BRD2: variants seen among roughly 807,000 people sequenced by gnomAD.
BRD2 encodes bromodomain-containing protein 2.
Under a neutral mutation model 79.1 loss-of-function variants are expected in BRD2, and 15 were observed. That is an observed-to-expected ratio of 0.19 (90% CI 0.13 to 0.29). BRD2 has a LOEUF of 0.29. BRD2 is among the 10% of genes least tolerant of loss of function. BRD2 has a pLI of 1.00. For synonymous variants in BRD2, 488 were observed against 358.6 expected (o/e 1.36, Z -4.08); for missense variants, 1,053 against 991.3 (o/e 1.06, Z -0.84).
chr6:32,971,062 C>CT (rs1174456151), intron 1 of BRD2: 1 of 151,204 alleles, frequency 6.6e-6, no homozygotes, highest in African/African-American at 2.4e-5. Flanking sequence ...ACGGGTGTGC[C>CT]TTTGGGGGTG....
chr6:32,976,987 G>A (rs1279310341), intron 7 of BRD2, 51 bp downstream of exon 7: 2 of 1,549,294 alleles, frequency 1.3e-6, no homozygotes, highest in Admixed American at 3.9e-5. Flanking sequence ...TGGGAGCCTA[G>A]GTGCAAAACA....
chr6:32,972,752 C>T lies in BRD2; in HGVS notation c.-147C>T, dbSNP rs1054623729. ...GGCCCCAAAGAGACTGCTTTCGTGC[C>T]GGCCAGGCAGGGGGTTTGTCGCCTG... On this transcript the variant is annotated 5_prime_UTR_variant, in exon 2 of 13. Transcript: ENST00000374825. 10 of 1,246,652 alleles carry T rather than the reference C, an allele frequency of 8.0e-6. No individual in the cohort carries two copies. Among genetic ancestry groups the T allele is most frequent in the African/African-American group, 7.4e-5 (5 of 67,996 alleles). 77.2% of individuals were successfully genotyped at this position (1,246,652 alleles called of 1,614,324 possible).
Position 32,981,477 on chromosome 6 carries a change from A to T in BRD2, c.*759A>T, listed in dbSNP as rs1434919273. 6.6e-6 allele frequency: 1 copy of T among 152,210 alleles called. No individual in the cohort carries two copies. The highest frequency in any genetic ancestry group is 6.5e-5 in the Admixed American group (1 of 15,278). 9.4% of individuals were successfully genotyped at this position (152,210 alleles called of 1,614,324 possible). On this transcript the variant is annotated 3_prime_UTR_variant, in exon 13 of 13. Coordinates refer to ENST00000374825, the MANE Select transcript of BRD2 (RefSeq NM_005104.4). Reference sequence around the variant, plus strand: ...CCAGTAGGCTTTTGCTGTGTTTTTAATAAAGTAAATATGACTTTTGTAAAT... The same window carrying T: ...CCAGTAGGCTTTTGCTGTGTTTTTATTAAAGTAAATATGACTTTTGTAAAT...
Position 32,972,146 on chromosome 6 carries a change from G to A in BRD2, c.-753G>A. ...AAGCAGGGTGGCGCGCATGAGCGGC[G>A]AAGCTCCTCCTCCCCGCCTATATAT... On this transcript the variant is annotated 5_prime_UTR_variant, in exon 2 of 13. Transcript: ENST00000374825. 4.6e-6 allele frequency: 3 copies of A among 648,934 alleles called. No homozygotes were observed. The highest frequency in any genetic ancestry group is 2.2e-5 in the Admixed American group (1 of 44,504). The allele number at this position is 648,934 out of a possible 1,614,324, so 40.2% of individuals were successfully genotyped here.
chr6:32,976,367 C>A lies in BRD2; in HGVS notation c.728C>A (p.Pro243Gln). The change falls in exon 6 of 13, where the codon CCA becomes CAA. Residue 243 changes from proline (P) to glutamine (Q), a missense_variant. Transcript: ENST00000374825. ...ACCACTGTCCTCAACATTCCCCACC[C>A]ATCAGTCATTTCCTCTCCACTTCTC... is the stretch of plus-strand genomic sequence containing the variant. ...IPTTVLNIPH[P>Q]SVISSPLLKS... The A allele has an allele frequency of 6.2e-7, 1 of 1,613,098 alleles. No homozygotes were observed. The highest frequency in any genetic ancestry group is 8.5e-7 in the Non-Finnish European group (1 of 1,180,048).
chr6:32,977,177 C>A, intron 7 of BRD2: 1 of 1,384,012 alleles, frequency 7.2e-7, no homozygotes, highest in Non-Finnish European at 9.9e-7. Flanking sequence ...ACTAATGTGG[C>A]AGTGTTGGGT....
At position 32,972,189 on chromosome 6, in the gene BRD2, C is replaced by G. The variant is rs1366186739; in HGVS notation, c.-710C>G. 1.1e-5 allele frequency: 6 copies of G among 559,330 alleles called. No homozygotes were observed. Among genetic ancestry groups the G allele is most frequent in the African/African-American group, 1.9e-5 (1 of 52,970 alleles). 34.6% of individuals were successfully genotyped at this position (559,330 alleles called of 1,614,324 possible). ...CTATATATAAAGGGCTGGCGCGGGG[C>G]TCGGCGGCGCCATTTCGTGCTGGAG... On this transcript the variant is annotated 5_prime_UTR_variant, in exon 2 of 13. Transcript: ENST00000374825.
In BRD2 at chr6:32,980,801, C is replaced by T. The variant is rs1295718850; in HGVS notation, c.*83C>T. 3 of 1,520,028 alleles carry T rather than the reference C, an allele frequency of 2.0e-6. No homozygotes were observed. Among genetic ancestry groups the T allele is most frequent in the Non-Finnish European group, 2.7e-6 (3 of 1,108,178 alleles). The allele number at this position is 1,520,028 out of a possible 1,614,324, so 94.2% of individuals were successfully genotyped here. ...GCCCCACCTGCCCCTTCCCCCTTTG[C>T]TGTGACACTTCTTCATCTCACCCCC... On this transcript the variant is annotated 3_prime_UTR_variant, in exon 13 of 13. Transcript: ENST00000374825.
chr6:32,972,176 G>A lies in BRD2; in HGVS notation c.-723G>A. The A allele has an allele frequency of 1.7e-6, 1 of 586,474 alleles. No individual in the cohort carries two copies. Among genetic ancestry groups the A allele is most frequent in the Non-Finnish European group, 3.1e-6 (1 of 324,318 alleles). 36.3% of individuals were successfully genotyped at this position (586,474 alleles called of 1,614,324 possible). The stretch of plus-strand genomic sequence containing the variant: ...TCCTCCTCCCCGCCTATATATAAAG[G>A]GCTGGCGCGGGGCTCGGCGGCGCCA... On this transcript the variant is annotated 5_prime_UTR_variant, in exon 2 of 13. Coordinates refer to ENST00000374825, the MANE Select transcript of BRD2 (RefSeq NM_005104.4).
Position 32,979,868 on chromosome 6 carries a change from C to T in BRD2, c.1882C>T (p.Pro628Ser). 1 of 1,612,994 alleles carries T rather than the reference C, an allele frequency of 6.2e-7. No homozygotes were observed. Among genetic ancestry groups the T allele is most frequent in the Non-Finnish European group, 8.5e-7 (1 of 1,179,966 alleles). The change falls in exon 11 of 13, where the codon CCT (proline) becomes TCT (serine). Residue 628 changes from proline to serine, a missense_variant. Around this residue, in one of 5 missense-constraint regions of BRD2, gnomAD observed 454 missense variants for 430.5 expected, o/e 1.05. Transcript: ENST00000374825. ...KATKTAPPAL[P>S]TGYDSEEEEE... is the part of the protein sequence containing the mutation. Reference sequence around the variant, plus strand: ...CACAAAGACAGCCCCACCTGCCCTGCCTACAGGTTATGATTCAGAGGAGGA... The same window carrying T: ...CACAAAGACAGCCCCACCTGCCCTGTCTACAGGTTATGATTCAGAGGAGGA...
At position 32,976,823 on chromosome 6, in the gene BRD2, A is replaced by C; in HGVS notation, c.1087A>C (p.Lys363Gln). 1 of 1,613,210 alleles carries C rather than the reference A, an allele frequency of 6.2e-7. No homozygotes were observed. The highest frequency in any genetic ancestry group is 1.3e-5 in the African/African-American group (1 of 75,070). The change falls in exon 7 of 13, where the codon AAG (lysine) becomes CAG (glutamine). Residue 363 changes from lysine (K) to glutamine (Q), a missense_variant. Lys to Gln is a moderately conservative substitution (Grantham distance 53). Transcript: ENST00000374825. Reference protein sequence around the residue: ...CNGILKELLSKKHAAYAWPFY... With the variant: ...CNGILKELLSQKHAAYAWPFY... ...TGGCATTTTGAAGGAGTTACTCTCT[A>C]AGAAGCATGCTGCCTATGCTTGGCC... is the stretch of plus-strand genomic sequence containing the variant.
In BRD2 at chr6:32,972,732, CAA is replaced by C; in HGVS notation, c.-165_-164del. On this transcript the variant is annotated 5_prime_UTR_variant, in exon 2 of 13. Coordinates refer to ENST00000374825, the MANE Select transcript of BRD2 (RefSeq NM_005104.4). Reference sequence around the variant, plus strand: ...CTGCCCGGAGCTCTCCGAGAGGCCCCAAAGAGACTGCTTTCGTGCCGGCCAGG... The same window carrying C: ...CTGCCCGGAGCTCTCCGAGAGGCCCCAGAGACTGCTTTCGTGCCGGCCAGG... 1.9e-6 allele frequency: 2 copies of C among 1,039,242 alleles called. No homozygotes were observed. The highest frequency in any genetic ancestry group is 2.9e-6 in the Non-Finnish European group (2 of 700,442). 64.4% of individuals were successfully genotyped at this position (1,039,242 alleles called of 1,614,324 possible).
rs115120098 is a variant in BRD2, at chr6:32,974,633, C to T, written c.201C>T (p.Ser67=). The T allele has an allele frequency of 1.3e-3, 2,059 of 1,614,210 alleles. 11 individuals are homozygous for T. In the African/African-American group the frequency reaches 0.019, roughly 15 times the overall value. The change falls in exon 3 of 13, where the codon TCC becomes TCT. Residue 67 remains serine (S), a synonymous_variant. Coordinates refer to ENST00000374825, the MANE Select transcript of BRD2 (RefSeq NM_005104.4). ...CCAACCCACCACCCCCGGAGGTGTC[C>T]AATCCCAAAAAGCCAGGACGAGTTA... is the stretch of plus-strand genomic sequence containing the variant. ...TPANPPPPEV[S]NPKKPGRVTN... is the part of the protein sequence containing the mutation.
chr6:32,972,067 C>G lies in BRD2; in HGVS notation c.-832C>G, dbSNP rs1376719065. 8.6e-6 allele frequency: 6 copies of G among 698,466 alleles called. No homozygotes were observed. The highest frequency in any genetic ancestry group is 1.5e-5 in the South Asian group (1 of 66,610). The allele number at this position is 698,466 out of a possible 1,614,324, so 43.3% of individuals were successfully genotyped here. A position where few individuals can be genotyped will look rare whatever the true frequency, so the allele number is the denominator to read the frequency against. On this transcript the variant is annotated 5_prime_UTR_variant, in exon 2 of 13. Transcript: ENST00000374825. ...AGGTGTTCCTTCCCCTTCGACTCAG[C>G]TTCTTCACCCGCGTGAGCGAGCGCG...
rs770813779 is a variant in BRD2, at chr6:32,976,044, T to C, written c.485T>C (p.Ile162Thr). 24 of 1,606,628 alleles carry C rather than the reference T, an allele frequency of 1.5e-5. No individual in the cohort carries two copies. Among genetic ancestry groups the C allele is most frequent in the Admixed American group, 1.7e-5 (1 of 58,208 alleles). Residue 162 changes from isoleucine (I) to threonine (T), a missense_variant, in exon 5 of 13, where the codon ATT becomes ACT. Physicochemically the swap from Ile to Thr is moderately conservative, Grantham distance 89. This residue lies in a region of BRD2 where 413 missense variants were observed against 335.1 expected (regional missense o/e 1.23). Transcript: ENST00000374825. Reference sequence around the variant, plus strand: ...GTGTTCTCATAGCCCACTGATGATATTGTCCTAATGGCACAAACGCTGGAA... The same window carrying C: ...GTGTTCTCATAGCCCACTGATGATACTGTCCTAATGGCACAAACGCTGGAA... ...CYIYNKPTDD[I>T]VLMAQTLEKI... is the part of the protein sequence containing the mutation.
At position 32,968,989 on chromosome 6, in the gene BRD2, C is replaced by G. The variant is rs1219451087; in HGVS notation, c.-1372C>G. 1 of 279,164 alleles carries G rather than the reference C, an allele frequency of 3.6e-6. No individual in the cohort carries two copies. The allele number at this position is 279,164 out of a possible 1,614,324, so 17.3% of individuals were successfully genotyped here. On this transcript the variant is annotated 5_prime_UTR_variant, in exon 1 of 13. Transcript: ENST00000374825. ...CGTTTTCTGGGGGGGGGTTGACACC[C>G]CGGATTACATACCCCGTACCAAGCC...
chr6:32,980,016 G>A lies in BRD2; in HGVS notation c.2030G>A (p.Arg677His), dbSNP rs1779315936. 3.1e-6 allele frequency: 5 copies of A among 1,612,990 alleles called. No individual in the cohort carries two copies. The highest frequency in any genetic ancestry group is 1.1e-5 in the South Asian group (1 of 91,090). Residue 677 changes from arginine to histidine, a missense_variant, in exon 11 of 13, where the codon CGT becomes CAT. Coordinates refer to ENST00000374825, the MANE Select transcript of BRD2 (RefSeq NM_005104.4). ...ATCCAAGCCAGGGAGCCCTCTTTAC[G>A]TGATTCAAACCCAGAAGAGATTGAG... ...HIIQAREPSL[R>H]DSNPEEIEID...
At chr6:32,975,229 C>T (rs1329107876) in intron 3 of BRD2, 155 bp from the exon 4 acceptor site, 1 of 1,221,782 alleles carries the variant, frequency 8.2e-7, no homozygotes, top group Non-Finnish European at 1.1e-6. Context: ...TTTATTTTGT[C>T]CCACAGTTTA....
chr6:32,974,717 C>A lies in BRD2; in HGVS notation c.285C>A (p.Phe95Leu). The A allele has an allele frequency of 2.5e-6, 4 of 1,614,160 alleles. No homozygotes were observed. Among genetic ancestry groups the A allele is most frequent in the South Asian group, 1.1e-5 (1 of 91,088 alleles). ...VVMKALWKHQ[F>L]AWPFRQPVDA... is the part of the protein sequence containing the mutation. ...TGAAGGCTCTGTGGAAACATCAGTT[C>A]GCATGGCCATTCCGGCAGCCTGTGG... Residue 95 changes from phenylalanine (F) to leucine (L), a missense_variant, in exon 3 of 13, where the codon TTC becomes TTA. This residue lies in a region of BRD2 where 413 missense variants were observed against 335.1 expected (regional missense o/e 1.23). Coordinates refer to ENST00000374825, the MANE Select transcript of BRD2 (RefSeq NM_005104.4).
Sources: gnomAD v4.1 joint callset for allele counts on GRCh38, gnomAD v4.1.1 for gene constraint, gnomAD v4.1.1 regional missense constraint, MANE v1.5 for transcripts, NCBI Gene and HGNC (gene_info 2026-07-23, HGNC 2026-07-21) for gene names.